The following CCZ1B variants were observed in gnomAD, a reference collection of about 807,000 sequenced individuals.
CCZ1B encodes the protein vacuolar fusion protein CCZ1 homolog B.
A neutral mutation model predicts 58.8 loss-of-function variants in CCZ1B; 25 were observed. That is an observed-to-expected ratio of 0.43 (90% CI 0.31 to 0.59). CCZ1B has a LOEUF of 0.59. Ranked by LOEUF, CCZ1B falls within the 20% of genes least tolerant of loss-of-function variation. The pLI, the probability that CCZ1B is intolerant of heterozygous loss-of-function variation, is 0.12. For synonymous variants in CCZ1B, 66 were observed against 173.2 expected (o/e 0.38, Z 4.86); for missense variants, 180 against 501.5 (o/e 0.36, Z 6.12).
intron 6 of CCZ1B, among the ~76,000 whole-genome samples, chr7:6,821,755 G>A (rs1216327431): frequency 1.3e-5 from 2 of 151,122 alleles, no homozygotes; most frequent in African/African-American, 4.9e-5. Flanking sequence ...AGCTTGACAA[G>A]GTAGGGTGAA....
Position 6,812,058 on chromosome 7 carries a change from A to G in CCZ1B, c.848T>C (p.Leu283Pro), listed in dbSNP as rs760376210. 3 of 1,438,062 alleles carry G rather than the reference A, an allele frequency of 2.1e-6. No homozygotes were observed. Among genetic ancestry groups the G allele is most frequent in the East Asian group, 4.5e-5 (2 of 44,346 alleles). The allele number at this position is 1,438,062 out of a possible 1,614,324, so 89.1% of individuals were successfully genotyped here. ...PGNLQHYGRF[L>P]TGPLNLNDPD... ...ATCATTGAGGTTCAAGGGTCCGGTA[A>G]GAAATCTTAAAAGCAAGAACAGACA... The change falls in exon 10 of 15, where the codon CTT (leucine) becomes CCT (proline). Residue 283 changes from leucine to proline, a missense_variant. Transcript: ENST00000316731.
intron 10 of CCZ1B, among the ~76,000 whole-genome samples, chr7:6,808,412 A>G (rs868493207): frequency 0.11 from 14,961 of 132,490 alleles, 23 homozygotes; most frequent in East Asian, 0.35. Context: ...AAAACAAAAC[A>G]AAAACCCAAA....
At chr7:6,818,786 C>G (rs1445440524) in intron 7 of CCZ1B, among the ~76,000 whole-genome samples, 1 of 148,766 alleles carries the variant, frequency 6.7e-6, no homozygotes, top group Non-Finnish European at 1.5e-5. Flanking sequence ...CCCGGAACAG[C>G]TGCAAGCCTT....
intron 12 of CCZ1B, among the ~76,000 whole-genome samples, chr7:6,804,422 C>T (rs1782807183): frequency 8.0e-6 from 1 of 124,440 alleles, no homozygotes; most frequent in Non-Finnish European, 1.6e-5. Context: ...GGGAATTTGT[C>T]TCAAAAAAAA....
At chr7:6,825,348 C>G (rs1167655460) in intron 1 of CCZ1B, among the ~76,000 whole-genome samples, 41 of 146,856 alleles carry the variant, frequency 2.8e-4, no homozygotes, top group African/African-American at 1.0e-3. Flanking sequence ...AAGCGATCCT[C>G]TGGCCTCAGC....
At chr7:6,820,996 C>T (rs1374302176) in intron 6 of CCZ1B, among the ~76,000 whole-genome samples, 1 of 149,190 alleles carries the variant, frequency 6.7e-6, no homozygotes, top group African/African-American at 2.5e-5. Context: ...TCCATTAATA[C>T]TACAGAGAGT....
chr7:6,822,372 G>C lies in CCZ1B; in HGVS notation c.439-8C>G, dbSNP rs1282687051. 7 of 1,585,722 alleles carry C rather than the reference G, an allele frequency of 4.4e-6. No individual in the cohort carries two copies. Among genetic ancestry groups the C allele is most frequent in the Non-Finnish European group, 5.1e-6 (6 of 1,172,020 alleles). ...AAATGTACCATTAAAAAGCTAGTGA[G>C]GTAAAAGATTGCAGAAAAAAAAATC... is the stretch of plus-strand genomic sequence containing the variant. On this transcript the variant is annotated splice_polypyrimidine_tract_variant and splice_region_variant and intron_variant, in intron 5 of 14. Coordinates refer to ENST00000316731, the MANE Select transcript of CCZ1B (RefSeq NM_198097.5).
chr7:6,809,867 C>T lies in CCZ1B; in HGVS notation c.954+2085G>A, dbSNP rs1427563178. Among the ~76,000 whole-genome samples, 10 of 145,430 alleles carry T rather than the reference C, an allele frequency of 6.9e-5. No homozygotes were observed. The East Asian group carries it at 9.8e-4, about 14-fold the overall frequency. ...TTATCACCCCAAGATTTCCTTGTAC[C>T]GTCTCACACATGAGAACTACTGTTC... is the stretch of plus-strand genomic sequence containing the variant. On this transcript the variant is annotated intron_variant, in intron 10 of 14. Coordinates refer to ENST00000316731, the MANE Select transcript of CCZ1B (RefSeq NM_198097.5).
In CCZ1B at chr7:6,818,873, C is replaced by T. The variant is rs373138860; in HGVS notation, c.698+893G>A. 1.4e-4 allele frequency among the ~76,000 whole-genome samples: 21 copies of T among 148,832 alleles called. 2 individuals are homozygous for T. The highest frequency in any genetic ancestry group is 5.3e-4 in the African/African-American group (21 of 39,304). ...ACCCAGCTCTCAGGGGTCATATATG[C>T]TGGGCAGTCTTGTGCCCACGTTGTT... On this transcript the variant is annotated intron_variant, in intron 7 of 14. Coordinates refer to ENST00000316731, the MANE Select transcript of CCZ1B (RefSeq NM_198097.5).
rs58318137 is a variant in CCZ1B, at chr7:6,814,333, G to A, written c.780+431C>T. 2.4e-4 allele frequency among the ~76,000 whole-genome samples: 36 copies of A among 149,166 alleles called. No homozygotes were observed. The East Asian group carries it at 3.5e-3, about 14-fold the overall frequency. On this transcript the variant is annotated intron_variant, in intron 8 of 14. Transcript: ENST00000316731. ...GGGCAGATCACAAGGTCAGGAGTTC[G>A]AGACCAGCCTGGCCAACATAGTGAA...
intron 4 of CCZ1B, among the ~76,000 whole-genome samples, 176 bp from the exon 5 acceptor site, chr7:6,823,536 T>TTTTTTTTA (rs1783147274): frequency 7.1e-6 from 1 of 141,810 alleles, no homozygotes; most frequent in African/African-American, 2.8e-5. Flanking sequence ...TTTTTTTTTT[T>TTTTTTTTA]GAGATGGAGT....
At chr7:6,812,100 G>C (rs755388477) in intron 9 of CCZ1B, 37 bp from the exon 10 acceptor site, 4 of 873,350 alleles carry the variant, frequency 4.6e-6, no homozygotes, top group Admixed American at 2.0e-5. Flanking sequence ...GATTCAACGA[G>C]GTGAAGGAGA....
At chr7:6,800,467 C>T (rs1440451446) in intron 14 of CCZ1B, among the ~76,000 whole-genome samples, 5 of 138,618 alleles carry the variant, frequency 3.6e-5, no homozygotes, top group African/African-American at 5.6e-5. Flanking sequence ...CCAGCCTGTG[C>T]GACAGAGCAA....
intron 7 of CCZ1B, among the ~76,000 whole-genome samples, chr7:6,815,839 T>A (rs904368043): frequency 1.4e-5 from 2 of 148,140 alleles, no homozygotes; most frequent in Non-Finnish European, 3.0e-5. Flanking sequence ...AAAGCCACAC[T>A]GTTTCATTTT....
chr7:6,824,604 T>C, intron 2 of CCZ1B, 36 bp downstream of exon 2: 1 of 1,612,404 alleles, frequency 6.2e-7, no homozygotes, highest in Non-Finnish European at 8.5e-7. Flanking sequence ...GTTTTAAGAA[T>C]TCACTGAACG....
In CCZ1B at chr7:6,811,985, G is replaced by A; in HGVS notation, c.921C>T (p.Asp307=). Residue 307 remains aspartate, a synonymous_variant, in exon 10 of 15, where the codon GAC becomes GAT. Transcript: ENST00000316731. ...RFPKIFVNTD[D]TYEELHLIVY... ...CGATTAAATGGAGCTCTTCATAAGT[G>A]TCATCTGTATTTACAAAAATTTTGG... 6.4e-7 allele frequency: 1 copy of A among 1,574,548 alleles called. No homozygotes were observed. The highest frequency in any genetic ancestry group is 8.7e-7 in the Non-Finnish European group (1 of 1,153,814).
Position 6,824,404 on chromosome 7 carries a change from C to T in CCZ1B, c.312+51G>A, listed in dbSNP as rs778901038. Reference sequence around the variant, plus strand: ...CCTAAATTCTGAACAGTAAAGATCACCCATAACTTCACCATACAATTTCAG... The same window carrying T: ...CCTAAATTCTGAACAGTAAAGATCATCCATAACTTCACCATACAATTTCAG... On this transcript the variant is annotated intron_variant, in intron 3 of 14. Coordinates refer to ENST00000316731, the MANE Select transcript of CCZ1B (RefSeq NM_198097.5). 3.8e-6 allele frequency: 6 copies of T among 1,594,056 alleles called. No homozygotes were observed. In the Admixed American group the frequency reaches 1.0e-4, roughly 27 times the overall value.
intron 10 of CCZ1B, among the ~76,000 whole-genome samples, chr7:6,809,991 G>T (rs1295669515): frequency 6.7e-6 from 1 of 149,962 alleles, no homozygotes; most frequent in Non-Finnish European, 1.5e-5. Context: ...TAAACTTTTT[G>T]AGGCTTTTCA....
intron 3 of CCZ1B, 102 bp downstream of exon 3, chr7:6,824,353 C>T: frequency 1.5e-6 from 2 of 1,325,056 alleles, no homozygotes; most frequent in Non-Finnish European, 2.0e-6. Flanking sequence ...TTTAATTTTA[C>T]TTGGATGCAA....
Sources: gnomAD v4.1 joint callset for allele counts (sites outside exome capture counted in the v4.1 genomes callset) on GRCh38, gnomAD v4.1.1 for gene constraint, MANE v1.5 for transcripts, NCBI Gene and HGNC (gene_info 2026-07-23, HGNC 2026-07-21) for gene names.